The following KRT75 variants were observed in gnomAD, a reference collection of about 807,000 sequenced individuals.
KRT75 encodes keratin 75.
A neutral mutation model predicts 48.8 loss-of-function variants in KRT75; 35 were observed. The ratio of observed to expected loss-of-function variants is 0.72; its 90% confidence interval spans 0.55 to 0.95. The LOEUF (loss-of-function observed/expected upper bound fraction) is 0.95, where lower values mean the gene tolerates loss of function less well. Among genes scored for constraint, KRT75 ranks in the 40% least tolerant of loss-of-function variants. The pLI, the probability that KRT75 is intolerant of heterozygous loss-of-function variation, is 0.00. For synonymous variants in KRT75, 301 were observed against 282.3 expected (o/e 1.07, Z -0.66); for missense variants, 776 against 709.9 (o/e 1.09, Z -1.06).
At chr12:52,431,720 A>C (rs1248347723) in intron 3 of KRT75, 82 bp from the exon 4 acceptor site, 2 of 1,107,154 alleles carry the variant, frequency 1.8e-6, no homozygotes, top group East Asian at 4.7e-5. Context: ...ATTTCTCCCC[A>C]GCCCATCTAG....
intron 8 of KRT75, among the ~76,000 whole-genome samples, chr12:52,425,147 G>A (rs144216417): frequency 1.9e-4 from 29 of 152,200 alleles, no homozygotes; most frequent in South Asian, 1.2e-3. Flanking sequence ...TTCCCTCAGC[G>A]TCTCCCAGCC....
intron 8 of KRT75, among the ~76,000 whole-genome samples, chr12:52,425,778 A>C (rs1940069553): frequency 6.6e-6 from 1 of 152,228 alleles, no homozygotes; most frequent in South Asian, 2.1e-4. Flanking sequence ...TCCAAGTTTC[A>C]GAGGGACCAG....
rs368100308 is a variant in KRT75, at chr12:52,424,688, G to T, written c.1485C>A (p.Gly495=). 2.0e-5 allele frequency: 32 copies of T among 1,614,032 alleles called. No individual in the cohort carries two copies. The highest frequency in any genetic ancestry group is 2.7e-5 in the Non-Finnish European group (32 of 1,180,002). Residue 495 remains glycine (G), a synonymous_variant, in exon 9 of 9, where the codon GGC becomes GGA. Coordinates refer to ENST00000252245, the MANE Select transcript of KRT75 (RefSeq NM_004693.3). The stretch of plus-strand genomic sequence containing the variant: ...AGGAGTAGCCGCTGCCCCCACCGAG[G>T]CCCAGGTTTCCACCTCCAATGCTGC... ...SGSSIGGGNL[G]LGGGSGYSFT...
rs1940049595 is a variant in KRT75, at chr12:52,424,299, CT to C, written c.*217del. On this transcript the variant is annotated 3_prime_UTR_variant, in exon 9 of 9. Coordinates refer to ENST00000252245, the MANE Select transcript of KRT75 (RefSeq NM_004693.3). Reference sequence around the variant, plus strand: ...AATGAGAGCCTTAGGAGAGAGCAGGCTTTGGTTTCACATGTGTAACAGACGG... The same window carrying C: ...AATGAGAGCCTTAGGAGAGAGCAGGCTTGGTTTCACATGTGTAACAGACGG... 1.5e-6 allele frequency: 1 copy of C among 663,810 alleles called. No homozygotes were observed. Among genetic ancestry groups the C allele is most frequent in the South Asian group, 1.7e-5 (1 of 59,280 alleles). 41.1% of individuals were successfully genotyped at this position (663,810 alleles called of 1,614,324 possible). A position where few individuals can be genotyped will look rare whatever the true frequency, so the allele number is the denominator to read the frequency against.
intron 4 of KRT75, 83 bp from the exon 5 acceptor site, chr12:52,430,788 G>A: frequency 6.8e-7 from 1 of 1,467,962 alleles, no homozygotes. Flanking sequence ...TCTAGGTCAG[G>A]AATCCTTTCC....
At chr12:52,431,714 C>T in intron 3 of KRT75, 76 bp from the exon 4 acceptor site, 1 of 1,138,390 alleles carries the variant, frequency 8.8e-7, no homozygotes, top group Non-Finnish European at 1.3e-6. Flanking sequence ...GAGCAGATTT[C>T]TCCCCAGCCC....
chr12:52,424,413 G>A lies in KRT75; in HGVS notation c.*104C>T, dbSNP rs986698925. On this transcript the variant is annotated 3_prime_UTR_variant, in exon 9 of 9. Coordinates refer to ENST00000252245, the MANE Select transcript of KRT75 (RefSeq NM_004693.3). ...TAGCCAGTACTCCAGGCTCCCAGCA[G>A]CACAGGTGCACCTTACAAGGAGAGA... 4.4e-5 allele frequency: 48 copies of A among 1,082,756 alleles called. 1 individual carries two copies. In the African/African-American group the frequency reaches 6.2e-4, roughly 14 times the overall value. The allele number at this position is 1,082,756 out of a possible 1,614,324, so 67.1% of individuals were successfully genotyped here. A position where few individuals can be genotyped will look rare whatever the true frequency, so the allele number is the denominator to read the frequency against.
In KRT75 at chr12:52,433,874, C is replaced by G; in HGVS notation, c.431G>C (p.Arg144Pro). ...CTGCTCGCGCTCCTCGGCCCGCACC[C>G]GCTGGATGGTGGGGTCGATTTGCAG... is the stretch of plus-strand genomic sequence containing the variant. ...LHLQIDPTIQ[R>P]VRAEEREQIK... is the part of the protein sequence containing the mutation. The change falls in exon 1 of 9, where the codon CGG (arginine) becomes CCG (proline). Residue 144 changes from arginine (R) to proline (P), a missense_variant. Coordinates refer to ENST00000252245, the MANE Select transcript of KRT75 (RefSeq NM_004693.3). 4 of 1,614,138 alleles carry G rather than the reference C, an allele frequency of 2.5e-6. No homozygotes were observed. The highest frequency in any genetic ancestry group is 2.2e-5 in the South Asian group (2 of 91,078).
intron 8 of KRT75, among the ~76,000 whole-genome samples, chr12:52,426,129 G>A (rs1940072914): frequency 6.6e-6 from 1 of 152,198 alleles, no homozygotes; most frequent in South Asian, 2.1e-4. Context: ...TAGAGGGTGA[G>A]TTGTAAGAGT....
At chr12:52,427,173 G>A (rs1565791287) in intron 7 of KRT75, among the ~76,000 whole-genome samples, 1 of 152,150 alleles carries the variant, frequency 6.6e-6, no homozygotes, top group Non-Finnish European at 1.5e-5. Context: ...GGAAAGAAGG[G>A]CCTGTCCTAT....
intron 1 of KRT75, 135 bp downstream of exon 1, chr12:52,433,671 GC>G (rs1267786805): frequency 7.2e-7 from 1 of 1,385,358 alleles, no homozygotes; most frequent in Non-Finnish European, 1.0e-6. Context: ...AAGGGTCTCA[GC>G]CCCTGGGAGC....
intron 2 of KRT75, among the ~76,000 whole-genome samples, chr12:52,432,428 G>A (rs189478645): frequency 5.6e-4 from 86 of 152,262 alleles, no homozygotes; most frequent in African/African-American, 1.9e-3. Context: ...AGGCTGTTTC[G>A]GGTAGATTTT....
chr12:52,428,540 G>A lies in KRT75; in HGVS notation c.1162-64C>T, dbSNP rs1940103919. The A allele has an allele frequency of 3.1e-6, 5 of 1,613,292 alleles. No homozygotes were observed. The East Asian group carries it at 1.1e-4, about 36-fold the overall frequency. ...CCCATGGAGGTGTGGTGCTTCTTGG[G>A]GAGGAGTTCTTAAAGATGGCAGAAA... On this transcript the variant is annotated intron_variant, in intron 6 of 8. Transcript: ENST00000252245.
chr12:52,427,751 T>C (rs780964077), intron 7 of KRT75, among the ~76,000 whole-genome samples: 2 of 152,182 alleles, frequency 1.3e-5, no homozygotes, highest in Non-Finnish European at 2.9e-5. Context: ...GGTGGAGAGG[T>C]TAAGTATCTG....
At position 52,424,507 on chromosome 12, in the gene KRT75, T is replaced by C. The variant is rs531994933; in HGVS notation, c.*10A>G. On this transcript the variant is annotated 3_prime_UTR_variant, in exon 9 of 9. Transcript: ENST00000252245. ...CCTCAAGGCAGGGTAGAGGGAGCCA[T>C]GGGGCTCTCTTAGTGCGTGTAGCTC... 1.8e-5 allele frequency: 29 copies of C among 1,611,920 alleles called. No individual in the cohort carries two copies. The East Asian group carries it at 2.0e-4, about 11-fold the overall frequency.
In KRT75 at chr12:52,433,215, G is replaced by A; in HGVS notation, c.536C>T (p.Thr179Ile). Residue 179 changes from threonine (T) to isoleucine (I), a missense_variant, in exon 2 of 9, where the codon ACC (threonine) becomes ATC (isoleucine). By Grantham distance (89) the Thr-to-Ile change is moderately conservative (BLOSUM62 -1). Transcript: ENST00000252245. Reference protein sequence around the residue: ...FLEQQNKVLETKWALLQEQGS... With the variant: ...FLEQQNKVLEIKWALLQEQGS... ...CTGCTCCTGCAGGAGGGCCCACTTGGTCTCCAGGACCTTGTTCTGCTGCTC... is the reference window on the plus strand; with the variant it reads ...CTGCTCCTGCAGGAGGGCCCACTTGATCTCCAGGACCTTGTTCTGCTGCTC... 1 of 1,614,030 alleles carries A rather than the reference G, an allele frequency of 6.2e-7. No homozygotes were observed. The highest frequency in any genetic ancestry group is 8.5e-7 in the Non-Finnish European group (1 of 1,180,008).
chr12:52,426,152 C>T (rs1241830690), intron 8 of KRT75, among the ~76,000 whole-genome samples: 1 of 152,164 alleles, frequency 6.6e-6, no homozygotes, highest in Non-Finnish European at 1.5e-5. Flanking sequence ...TTTCTGTTGC[C>T]CTTGTGATGC....
In KRT75 at chr12:52,428,685, T is replaced by G; in HGVS notation, c.1094A>C (p.Gln365Pro). ...CATGCGGTTCATTTCAGAGATCTCT[T>G]GTTTGGTGTTTCGAAGGTCATCCCC... is the stretch of plus-strand genomic sequence containing the variant. Reference protein sequence around the residue: ...RHGDDLRNTKQEISEMNRMIQ... With the variant: ...RHGDDLRNTKPEISEMNRMIQ... Residue 365 changes from glutamine (Q) to proline (P), a missense_variant, in exon 6 of 9, where the codon CAA becomes CCA. Coordinates refer to ENST00000252245, the MANE Select transcript of KRT75 (RefSeq NM_004693.3). 4 of 1,614,190 alleles carry G rather than the reference T, an allele frequency of 2.5e-6. No individual in the cohort carries two copies. The highest frequency in any genetic ancestry group is 3.4e-6 in the Non-Finnish European group (4 of 1,180,032).
intron 7 of KRT75, 111 bp downstream of exon 7, chr12:52,428,145 A>G: frequency 1.5e-6 from 2 of 1,377,704 alleles, no homozygotes; most frequent in Admixed American, 3.5e-5. Context: ...TCTGAACTGC[A>G]TTTTCTTCCA....
Sources: gnomAD v4.1 joint callset for allele counts (sites outside exome capture counted in the v4.1 genomes callset) on GRCh38, gnomAD v4.1.1 for gene constraint, MANE v1.5 for transcripts, NCBI Gene and HGNC (gene_info 2026-07-23, HGNC 2026-07-21) for gene names.